Variants in LRP1B observed in about 807,000 individuals in gnomAD.
LRP1B encodes the protein low-density lipoprotein receptor-related protein 1B.
Under a neutral mutation model 556.6 loss-of-function variants are expected in LRP1B, and 217 were observed. The ratio of observed to expected loss-of-function variants is 0.39; its 90% CI spans 0.35 to 0.44. The LOEUF (loss-of-function observed/expected upper bound fraction) is 0.44. Among genes scored for constraint, LRP1B ranks in the 20% least tolerant of loss-of-function variants. The pLI is 1.00. For missense variants in LRP1B, 5,053 were observed against 5,620.8 expected (o/e 0.90, Z 3.23); for synonymous variants, 2,047 against 1,865.8 (o/e 1.10, Z -2.50).
At chr2:140,605,310 G>C (rs1374886961) in intron 41 of LRP1B, among the ~76,000 whole-genome samples, 1 of 152,086 alleles carries the variant, frequency 6.6e-6, no homozygotes, top group Admixed American at 6.6e-5. Context: ...AAAATAAGAA[G>C]TTCCTGCACA....
At chr2:141,311,354 C>T (rs189280950) in intron 3 of LRP1B, among the ~76,000 whole-genome samples, 3 of 152,278 alleles carry the variant, frequency 2.0e-5, no homozygotes, top group East Asian at 1.9e-4. Context: ...CTATCCCTCT[C>T]CTTCCACTAT....
At chr2:141,160,376 C>G (rs1482037693) in intron 7 of LRP1B, among the ~76,000 whole-genome samples, 2 of 151,946 alleles carry the variant, frequency 1.3e-5, no homozygotes, top group Non-Finnish European at 2.9e-5. Context: ...ATGAATTTAC[C>G]ATAGTTACAA....
At chr2:140,610,048 G>GTT (rs11422184) in intron 41 of LRP1B, among the ~76,000 whole-genome samples, 153 of 146,558 alleles carry the variant, frequency 1.0e-3, no homozygotes, top group Admixed American at 2.9e-3. Context: ...ACTCAGGTTT[G>GTT]TTTTTTTTTT....
At chr2:141,482,698 T>C (rs1194041746) in intron 2 of LRP1B, among the ~76,000 whole-genome samples, 2 of 152,008 alleles carry the variant, frequency 1.3e-5, no homozygotes, top group African/African-American at 4.8e-5. Flanking sequence ...AGCTATAAAC[T>C]TCTATGACCA....
intron 1 of LRP1B, among the ~76,000 whole-genome samples, chr2:142,090,847 A>G (rs1264867427): frequency 2.6e-5 from 4 of 152,146 alleles, no homozygotes; most frequent in Admixed American, 1.3e-4. Context: ...TATGTGCAAA[A>G]TGCACTAATA....
At chr2:141,494,233 T>C (rs989161772) in intron 2 of LRP1B, among the ~76,000 whole-genome samples, 1 of 152,166 alleles carries the variant, frequency 6.6e-6, no homozygotes, top group South Asian at 2.1e-4. Context: ...TCTTTCCATT[T>C]TTCAGCCTCA....
chr2:141,049,327 A>G lies in LRP1B; in HGVS notation c.1553-105T>C, dbSNP rs1213668826. On this transcript the variant is annotated intron_variant, in intron 10 of 90. Transcript: ENST00000389484. The stretch of plus-strand genomic sequence containing the variant: ...GCACAATTAGCGTTTTTTAAATTCA[A>G]TGCTAAAAATTAAACTCTAAAATAT... 1.2e-5 allele frequency: 9 copies of G among 748,048 alleles called. No individual in the cohort carries two copies. In the East Asian group the frequency reaches 1.2e-4, roughly 10 times the overall value. 46.3% of individuals were successfully genotyped at this position (748,048 alleles called of 1,614,324 possible). A position where few individuals can be genotyped will look rare whatever the true frequency, so the allele number is the denominator to read the frequency against.
At chr2:141,161,340 G>T (rs138302180) in intron 7 of LRP1B, among the ~76,000 whole-genome samples, 2 of 152,126 alleles carry the variant, frequency 1.3e-5, no homozygotes, top group African/African-American at 4.8e-5. Flanking sequence ...AACAAAAAAC[G>T]ATGAGCAAAA....
chr2:141,714,723 T>G (rs1481605983), intron 2 of LRP1B, among the ~76,000 whole-genome samples: 3 of 152,068 alleles, frequency 2.0e-5, no homozygotes, highest in Admixed American at 6.6e-5. Context: ...AGAGGAAACT[T>G]AAGACAACTT....
chr2:142,121,810 T>G (rs1707463810), intron 1 of LRP1B, among the ~76,000 whole-genome samples: 1 of 152,158 alleles, frequency 6.6e-6, no homozygotes, highest in Non-Finnish European at 1.5e-5. Flanking sequence ...TGATTACCAC[T>G]TATTTGCTCA....
intron 40 of LRP1B, 104 bp downstream of exon 40, chr2:140,701,617 G>C: frequency 9.2e-7 from 1 of 1,086,240 alleles, no homozygotes; most frequent in Non-Finnish European, 1.3e-6. Context: ...AATGTTTTGA[G>C]GTTTTAGACT....
intron 3 of LRP1B, among the ~76,000 whole-genome samples, chr2:141,361,276 T>A (rs776623074): frequency 1.3e-5 from 2 of 152,202 alleles, no homozygotes; most frequent in Non-Finnish European, 2.9e-5. Context: ...ATGAATCTTA[T>A]CTTTTATTCA....
intron 35 of LRP1B, 130 bp downstream of exon 35, chr2:140,769,083 T>C: frequency 2.4e-6 from 2 of 826,138 alleles, no homozygotes; most frequent in South Asian, 1.6e-5. Flanking sequence ...GGCCTTAATA[T>C]TTATCTATTT....
chr2:141,455,567 G>T (rs893992819), intron 3 of LRP1B, among the ~76,000 whole-genome samples: 4 of 152,060 alleles, frequency 2.6e-5, no homozygotes, highest in Non-Finnish European at 2.9e-5. Context: ...TGGAGATGGG[G>T]ACAGGGGTAG....
intron 53 of LRP1B, among the ~76,000 whole-genome samples, chr2:140,504,080 C>T (rs1689307193): frequency 6.6e-6 from 1 of 152,142 alleles, no homozygotes; most frequent in East Asian, 1.9e-4. Context: ...AAAATCTATA[C>T]ACCTCTTATC....
At chr2:140,365,656 C>T (rs991167596) in intron 71 of LRP1B, among the ~76,000 whole-genome samples, 2 of 151,476 alleles carry the variant, frequency 1.3e-5, no homozygotes. Context: ...TGATGTATAG[C>T]GTCACAGGTG....
At chr2:141,220,285 G>C (rs1379584897) in intron 6 of LRP1B, among the ~76,000 whole-genome samples, 3 of 152,094 alleles carry the variant, frequency 2.0e-5, no homozygotes, top group Non-Finnish European at 2.9e-5. Context: ...GCAACCACAA[G>C]TATCAACAGC....
chr2:141,223,140 A>C (rs961528816), intron 6 of LRP1B, among the ~76,000 whole-genome samples: 1 of 152,174 alleles, frequency 6.6e-6, no homozygotes, highest in Admixed American at 6.5e-5. Context: ...AGAAAACCCC[A>C]TTGTCTCATC....
intron 2 of LRP1B, among the ~76,000 whole-genome samples, chr2:141,725,375 T>G (rs1428979543): frequency 6.6e-6 from 1 of 151,906 alleles, no homozygotes; most frequent in Non-Finnish European, 1.5e-5. Flanking sequence ...CAAGTAGTAA[T>G]CAAGTGTTAT....
Sources: allele counts gnomAD v4.1 joint callset (sites outside exome capture counted in the v4.1 genomes callset), GRCh38; gene constraint gnomAD v4.1.1; transcripts MANE v1.5; gene names NCBI Gene and HGNC (gene_info 2026-07-23, HGNC 2026-07-21).